Variants in LRRC8C observed in about 807,000 individuals in gnomAD.
LRRC8C encodes the protein volume-regulated anion channel subunit LRRC8C.
LRRC8C carries 20 observed loss-of-function variants against 55.3 expected under a neutral mutation model. That is an observed-to-expected ratio of 0.36 (90% CI 0.25 to 0.53). The LOEUF (loss-of-function observed/expected upper bound fraction) is 0.53. LRRC8C is among the 20% of genes least tolerant of loss of function. The pLI, the probability that LRRC8C is intolerant of heterozygous loss-of-function variation, is 0.92. For missense variants in LRRC8C, 659 were observed against 951.4 expected (o/e 0.69, Z 4.04); for synonymous variants, 376 against 360.7 (o/e 1.04, Z -0.48).
intron 1 of LRRC8C, among the ~76,000 whole-genome samples, chr1:89,681,409 A>G (rs1020016931): frequency 1.3e-5 from 2 of 152,198 alleles, no homozygotes; most frequent in Non-Finnish European, 2.9e-5. Context: ...GCTGTGTTAG[A>G]TATTGGTTTG....
At chr1:89,681,511 T>A (rs1657708757) in intron 1 of LRRC8C, among the ~76,000 whole-genome samples, 2 of 152,180 alleles carry the variant, frequency 1.3e-5, no homozygotes, top group South Asian at 4.1e-4. Context: ...TGAGACTGGG[T>A]CATTTATAAA....
At chr1:89,657,971 G>T (rs1557651300) in intron 1 of LRRC8C, among the ~76,000 whole-genome samples, 2 of 152,102 alleles carry the variant, frequency 1.3e-5, no homozygotes, top group African/African-American at 4.8e-5. Flanking sequence ...GTATGACTGT[G>T]TGTAACTTTA....
Position 89,707,453 on chromosome 1 carries a change from C to T in LRRC8C, c.139-5256C>T, listed in dbSNP as rs185514490. 5.8e-4 allele frequency among the ~76,000 whole-genome samples: 88 copies of T among 152,068 alleles called. 1 individual carries two copies. Among genetic ancestry groups the T allele is most frequent in the African/African-American group, 1.9e-3 (77 of 41,422 alleles). ...CAGATCCAGAGGATATTGGGTCACA[C>T]CCCAGTCTAATGCCCCCAGCAGGTT... On this transcript the variant is annotated intron_variant, in intron 2 of 2. Transcript: ENST00000370454.
chr1:89,702,305 CTA>C (rs1658353762), intron 2 of LRRC8C, among the ~76,000 whole-genome samples: 1 of 151,966 alleles, frequency 6.6e-6, no homozygotes, highest in East Asian at 1.9e-4. Flanking sequence ...ATGAAAAAAA[CTA>C]TGTTAAGAAA....
chr1:89,671,988 G>C (rs1657429181), intron 1 of LRRC8C, among the ~76,000 whole-genome samples: 1 of 152,124 alleles, frequency 6.6e-6, no homozygotes, highest in Non-Finnish European at 1.5e-5. Context: ...ACTGGCTCAG[G>C]CTACCCCTAT....
At position 89,713,456 on chromosome 1, in the gene LRRC8C, G is replaced by A; in HGVS notation, c.886G>A (p.Asp296Asn). Residue 296 changes from aspartate to asparagine, a missense_variant, in exon 3 of 3, where the codon GAC becomes AAC. Physicochemically the swap from Asp to Asn is conservative, Grantham distance 23. This residue lies in a region of LRRC8C where 200 missense variants were observed against 360.5 expected (regional missense o/e 0.55). Transcript: ENST00000370454. The surrounding 1 kb of genome is among the most constrained non-coding windows in gnomAD (Gnocchi z 5.2). Reference protein sequence around the residue: ...KVQFTVDCNVDIQDMTGYKNF... With the variant: ...KVQFTVDCNVNIQDMTGYKNF... ...CCAGTTTACAGTGGACTGTAATGTGGACATTCAGGACATGACTGGATATAA... is the reference window on the plus strand; with the variant it reads ...CCAGTTTACAGTGGACTGTAATGTGAACATTCAGGACATGACTGGATATAA... The A allele has an allele frequency of 6.2e-7, 1 of 1,614,120 alleles. No individual in the cohort carries two copies. The highest frequency in any genetic ancestry group is 8.5e-7 in the Non-Finnish European group (1 of 1,180,032).
In LRRC8C at chr1:89,713,963, C is replaced by T. The variant is rs1367377303; in HGVS notation, c.1393C>T (p.Gln465Ter). Residue 465 changes from glutamine (Q) to a stop codon, truncating the protein, a stop_gained, in exon 3 of 3, where the codon CAG becomes TAG. Coordinates refer to ENST00000370454, the MANE Select transcript of LRRC8C (RefSeq NM_032270.5). LOFTEE classifies it high-confidence loss of function. This position sits in a 1 kb window ranked among gnomAD's most constrained non-coding sequence, Gnocchi z 5.2. ...KNVMIPATIA[Q>*]LDNLQELSLH... ...CGTAATGATACCAGCCACCATTGCA[C>T]AGCTAGACAATCTTCAAGAGCTCTC... is the stretch of plus-strand genomic sequence containing the variant. 4 of 1,613,636 alleles carry T rather than the reference C, an allele frequency of 2.5e-6. No homozygotes were observed. The highest frequency in any genetic ancestry group is 3.4e-6 in the Non-Finnish European group (4 of 1,180,016).
chr1:89,674,034 T>C (rs1425908088), intron 1 of LRRC8C, among the ~76,000 whole-genome samples: 1 of 152,236 alleles, frequency 6.6e-6, no homozygotes, highest in Non-Finnish European at 1.5e-5. Flanking sequence ...ATTATTTATG[T>C]CTTCTTTGTG....
intron 1 of LRRC8C, among the ~76,000 whole-genome samples, chr1:89,665,106 T>C (rs1050625304): frequency 1.3e-5 from 2 of 152,216 alleles, no homozygotes; most frequent in Non-Finnish European, 2.9e-5. Flanking sequence ...CTCTTCCTAT[T>C]TGAATATCCT....
intron 2 of LRRC8C, among the ~76,000 whole-genome samples, chr1:89,693,556 A>C (rs1658081157): frequency 2.0e-5 from 3 of 152,010 alleles, no homozygotes; most frequent in Admixed American, 1.3e-4. Flanking sequence ...TACTGATTAC[A>C]TCAGAATACT....
the LRRC8C span, chr1:89,624,786 T>C: frequency 6.6e-6 from 1 of 152,336 alleles, no homozygotes; most frequent in Middle Eastern, 3.4e-3. Context: ...TTTGGAATGT[T>C]GATAGGTGTA....
the LRRC8C span, chr1:89,626,339 A>G: frequency 5.9e-5 from 9 of 152,200 alleles, no homozygotes; most frequent in Admixed American, 3.9e-4. Flanking sequence ...CAGTTCTCCA[A>G]TGGACACTGA....
the LRRC8C span, among the ~76,000 whole-genome samples, chr1:89,622,870 T>G: frequency 1.3e-5 from 2 of 152,198 alleles, no homozygotes; most frequent in Non-Finnish European, 2.9e-5. Flanking sequence ...AGATATATTA[T>G]TATAGAAGGT....
At position 89,638,927 on chromosome 1, in the gene LRRC8C, A is replaced by G. The variant is rs2101176637; in HGVS notation, c.-5+5605A>G. ...GAGTATAAATTGGTATGTCTCTATTAGAGAATTTATGTTTTAAACTATAAT... is the reference window on the plus strand; with the variant it reads ...GAGTATAAATTGGTATGTCTCTATTGGAGAATTTATGTTTTAAACTATAAT... On this transcript the variant is annotated intron_variant, in intron 1 of 2. Transcript: ENST00000370454. Among the ~76,000 whole-genome samples the G allele has an allele frequency of 1.4e-5, 2 of 140,914 alleles. 1 individual carries two copies. Among genetic ancestry groups the G allele is most frequent in the East Asian group, 4.6e-4 (2 of 4,386 alleles). 92.4% of individuals were successfully genotyped at this position (140,914 alleles called of 152,430 possible).
In LRRC8C at chr1:89,714,244, G is replaced by A. The variant is rs780749896; in HGVS notation, c.1674G>A (p.Gln558=). ...AAAGCAACGTTTCCAAAATCCCTCA[G>A]GCAGTGGTTGATGTTTCCAGCCATC... ...SIKSNVSKIP[Q]AVVDVSSHLQ... The change falls in exon 3 of 3, where the codon CAG becomes CAA. Residue 558 remains glutamine (Q), a synonymous_variant. Transcript: ENST00000370454. This position sits in a 1 kb window ranked among gnomAD's most constrained non-coding sequence, Gnocchi z 4.6. The A allele has an allele frequency of 1.2e-4, 190 of 1,614,006 alleles. No homozygotes were observed. The East Asian group carries it at 4.2e-3, about 36-fold the overall frequency.
chr1:89,714,173 C>G lies in LRRC8C; in HGVS notation c.1603C>G (p.Leu535Val), dbSNP rs1557671604. Reference sequence around the variant, plus strand: ...TCATGATATTTCCAGAAATGTCACCCTTGAGTCTCTGCGGGATCTCAAAAG... The same window carrying G: ...TCATGATATTTCCAGAAATGTCACCGTTGAGTCTCTGCGGGATCTCAAAAG... Reference protein sequence around the residue: ...LSHDISRNVTLESLRDLKSLK... With the variant: ...LSHDISRNVTVESLRDLKSLK... Residue 535 changes from leucine (L) to valine (V), a missense_variant, in exon 3 of 3, where the codon CTT becomes GTT. Leu to Val is a conservative substitution (Grantham distance 32). Around this residue, in one of 5 missense-constraint regions of LRRC8C, gnomAD observed 344 missense variants for 464.6 expected, o/e 0.74. Transcript: ENST00000370454. The surrounding 1 kb of genome is among the most constrained non-coding windows in gnomAD (Gnocchi z 4.6). 6.2e-7 allele frequency: 1 copy of G among 1,614,092 alleles called. No homozygotes were observed. Among genetic ancestry groups the G allele is most frequent in the Admixed American group, 1.7e-5 (1 of 60,026 alleles).
intron 1 of LRRC8C, among the ~76,000 whole-genome samples, chr1:89,674,847 T>G (rs778136997): frequency 6.6e-6 from 1 of 152,250 alleles, no homozygotes; most frequent in Non-Finnish European, 1.5e-5. Context: ...AAAAGGAAGA[T>G]AAAAATGATC....
chr1:89,642,160 C>T (rs1656475031), intron 1 of LRRC8C, among the ~76,000 whole-genome samples: 1 of 152,206 alleles, frequency 6.6e-6, no homozygotes, highest in Non-Finnish European at 1.5e-5. Flanking sequence ...GCCTCTAGTA[C>T]TTGTAACTGT....
chr1:89,635,077 A>G (rs1484746397), intron 1 of LRRC8C, among the ~76,000 whole-genome samples: 1 of 152,212 alleles, frequency 6.6e-6, no homozygotes, highest in African/African-American at 2.4e-5. Context: ...AATGAAATGT[A>G]TTTTTAAAAG....
Sources: allele counts gnomAD v4.1 joint callset (sites outside exome capture counted in the v4.1 genomes callset), GRCh38; gene constraint gnomAD v4.1.1; regional missense constraint gnomAD v4.1.1; non-coding constraint Gnocchi (gnomAD v3.1); transcripts MANE v1.5; gene names NCBI Gene and HGNC (gene_info 2026-07-23, HGNC 2026-07-21).